Variants in SSBP3 observed in about 807,000 individuals in gnomAD.
The protein encoded by SSBP3 is single stranded DNA binding protein 3.
In SSBP3, 5 loss-of-function variants were observed where a neutral mutation model predicts 69.6. The ratio of observed to expected loss-of-function variants is 0.07; its 90% confidence interval spans 0.04 to 0.15. SSBP3 has a LOEUF of 0.15. SSBP3 is among the 10% of genes least tolerant of loss of function. SSBP3 has a pLI of 1.00. For missense variants in SSBP3, 312 were observed against 534.0 expected, an observed-to-expected ratio of 0.58 and a Z score of 4.10; for synonymous variants, 196 against 193.4, an observed-to-expected ratio of 1.01 and a Z score of -0.11.
chr1:54,337,797 C>T (rs1646537104), intron 4 of SSBP3, among the ~76,000 whole-genome samples: 1 of 151,932 alleles, frequency 6.6e-6, no homozygotes, highest in Non-Finnish European at 1.5e-5. Flanking sequence ...GCCCGGCCTC[C>T]TCAAACTTTT....
intron 4 of SSBP3, among the ~76,000 whole-genome samples, chr1:54,289,020 C>CAA (rs777871964): frequency 0.14 from 6,133 of 43,656 alleles, 732 homozygotes; most frequent in East Asian, 0.27. Flanking sequence ...ACTCTGTCTC[C>CAA]AAAAAAAAAA....
intron 4 of SSBP3, among the ~76,000 whole-genome samples, chr1:54,311,131 G>C (rs146585717): frequency 6.6e-6 from 1 of 152,178 alleles, no homozygotes; most frequent in Non-Finnish European, 1.5e-5. Context: ...AACAAGGTGG[G>C]GGACACATCA....
At chr1:54,350,535 T>C (rs567298043) in intron 4 of SSBP3, among the ~76,000 whole-genome samples, 1 of 152,266 alleles carries the variant, frequency 6.6e-6, no homozygotes, top group Admixed American at 6.5e-5. Flanking sequence ...TATACGCGTA[T>C]GGCCTTCAGA....
intron 17 of SSBP3, 21 bp from the exon 18 acceptor site, chr1:54,227,181 A>AT: frequency 5.7e-6 from 3 of 525,170 alleles, no homozygotes; most frequent in Non-Finnish European, 9.0e-6. Context: ...GAAGCAGAGA[A>AT]GGGGGGGGGG....
At chr1:54,366,643 G>A (rs1342060120) in intron 4 of SSBP3, among the ~76,000 whole-genome samples, 1 of 152,128 alleles carries the variant, frequency 6.6e-6, no homozygotes, top group Non-Finnish European at 1.5e-5. Context: ...ATGCACAGGA[G>A]GACAGTGAAG....
intron 4 of SSBP3, among the ~76,000 whole-genome samples, chr1:54,310,434 C>T (rs1336701001): frequency 6.6e-6 from 1 of 152,118 alleles, no homozygotes; most frequent in Non-Finnish European, 1.5e-5. Context: ...GAGTTGGGTA[C>T]ACATAAGAAA....
At chr1:54,347,214 C>T (rs759288474) in intron 4 of SSBP3, among the ~76,000 whole-genome samples, 4 of 152,186 alleles carry the variant, frequency 2.6e-5, no homozygotes, top group African/African-American at 9.7e-5. Context: ...GCAACCCTCC[C>T]ACCTTGGCCT....
At chr1:54,339,782 G>T (rs986690621) in intron 4 of SSBP3, among the ~76,000 whole-genome samples, 1 of 152,066 alleles carries the variant, frequency 6.6e-6, no homozygotes, top group African/African-American at 2.4e-5. Flanking sequence ...GCATGTTGGC[G>T]GGCGCCTGTA....
rs1255613393 is a variant in SSBP3 at position 54,249,599 on chromosome 1, GAT to G, written c.651+2015_651+2016del. ...AGTCCCAGCTACTTGGGAGACTGAG[GAT>G]GTGGTGAGCAGAGATGATGCCACTG... On this transcript the variant is annotated intron_variant, in intron 9 of 17. Coordinates refer to ENST00000610401, the Ensembl canonical transcript of SSBP3. 2.0e-5 allele frequency among the ~76,000 whole-genome samples: 3 copies of G among 152,048 alleles called. No homozygotes were observed. The East Asian group carries it at 5.8e-4, about 29-fold the overall frequency.
intron 4 of SSBP3, among the ~76,000 whole-genome samples, chr1:54,309,026 C>T (rs1441354429): frequency 6.6e-6 from 1 of 152,352 alleles, no homozygotes; most frequent in Admixed American, 6.5e-5. Flanking sequence ...AATCATAATG[C>T]TCATCTGATG....
At chr1:54,367,998 ATT>A (rs1463138686) in intron 4 of SSBP3, among the ~76,000 whole-genome samples, 7 of 152,182 alleles carry the variant, frequency 4.6e-5, no homozygotes, top group African/African-American at 1.7e-4. Context: ...ACATATACTC[ATT>A]TAAAAAGATA....
intron 4 of SSBP3, among the ~76,000 whole-genome samples, chr1:54,323,575 G>C (rs562439134): frequency 1.3e-5 from 2 of 152,308 alleles, no homozygotes; most frequent in South Asian, 4.2e-4. Context: ...ACCTCACCAC[G>C]CTATCTGCCT....
chr1:54,404,450 C>G, intron 3 of SSBP3, 126 bp downstream of exon 3: 1 of 1,160,538 alleles, frequency 8.6e-7, no homozygotes. Context: ...CCTCGAGGTG[C>G]CCCGCTCTGT....
chr1:54,364,429 C>T (rs1646997660), intron 4 of SSBP3, among the ~76,000 whole-genome samples: 1 of 152,210 alleles, frequency 6.6e-6, no homozygotes, highest in African/African-American at 2.4e-5. Flanking sequence ...GGGGAGATGA[C>T]CTGCCAGAGC....
chr1:54,228,581 C>A lies in SSBP3; in HGVS notation c.1007-104G>T, dbSNP rs11206309. The A allele has an allele frequency of 4.3e-5, 66 of 1,539,748 alleles. No homozygotes were observed. In the South Asian group the frequency reaches 5.3e-4, roughly 12 times the overall value. On this transcript the variant is annotated intron_variant, in intron 15 of 17. Transcript: ENST00000610401. ...GGCCTCTAAGCCCTTCCATCCCAGTCCCACACTGTGCGGAGGGCTTTCTGT... is the reference window on the plus strand; with the variant it reads ...GGCCTCTAAGCCCTTCCATCCCAGTACCACACTGTGCGGAGGGCTTTCTGT...
At chr1:54,390,824 C>T (rs947784845) in intron 4 of SSBP3, among the ~76,000 whole-genome samples, 1 of 152,228 alleles carries the variant, frequency 6.6e-6, no homozygotes, top group Non-Finnish European at 1.5e-5. Context: ...GGGATCTGGC[C>T]GGCAGGCGGG....
At chr1:54,267,831 G>T (rs2100801519) in intron 5 of SSBP3, among the ~76,000 whole-genome samples, 1 of 152,254 alleles carries the variant, frequency 6.6e-6, no homozygotes, top group South Asian at 2.1e-4. Context: ...TCCCATCTGT[G>T]AGTGGCTCCT....
At chr1:54,323,573 A>C (rs1646251551) in intron 4 of SSBP3, among the ~76,000 whole-genome samples, 1 of 152,180 alleles carries the variant, frequency 6.6e-6, no homozygotes, top group Non-Finnish European at 1.5e-5. Flanking sequence ...TCACCTCACC[A>C]CGCTATCTGC....
At chr1:54,376,283 T>C (rs1008891433) in intron 4 of SSBP3, among the ~76,000 whole-genome samples, 5 of 152,084 alleles carry the variant, frequency 3.3e-5, no homozygotes, top group Non-Finnish European at 7.4e-5. Context: ...GCCCCCACCC[T>C]ACCCCTTTCC....
Sources: gnomAD v4.1 joint callset for allele counts (sites outside exome capture counted in the v4.1 genomes callset) on GRCh38, gnomAD v4.1.1 for gene constraint, MANE v1.5 for transcripts, NCBI Gene and HGNC (gene_info 2026-07-23, HGNC 2026-07-21) for gene names.